Variants in SLIT2 observed in about 807,000 individuals in gnomAD.
The protein encoded by SLIT2 is slit guidance ligand 2.
A neutral mutation model predicts 185.7 loss-of-function variants in SLIT2; 41 were observed. The observed-to-expected ratio is 0.22, with a 90% CI of 0.17 to 0.29. The LOEUF is 0.29. SLIT2 is among the 10% of genes least tolerant of loss of function. The pLI is 1.00. For missense variants in SLIT2, 1,571 were observed against 1,909.0 expected (o/e 0.82, Z 3.30); for synonymous variants, 693 against 680.2 (o/e 1.02, Z -0.29).
intron 11 of SLIT2, among the ~76,000 whole-genome samples, chr4:20,514,071 T>C (rs776386829): frequency 6.6e-6 from 1 of 152,248 alleles, no homozygotes; most frequent in Non-Finnish European, 1.5e-5. Context: ...GAGATCATGA[T>C]AGTGACCAGG....
chr4:20,470,323 G>A lies in SLIT2; in HGVS notation c.467+2500G>A, dbSNP rs569055389. ...CATTTTGACATGAAGTTACAAAATGGAAAAAGAAAATATAATAGAAAGTGC... is the reference window on the plus strand; with the variant it reads ...CATTTTGACATGAAGTTACAAAATGAAAAAAGAAAATATAATAGAAAGTGC... On this transcript the variant is annotated intron_variant, in intron 5 of 36. Transcript: ENST00000504154. Among the ~76,000 whole-genome samples the A allele has an allele frequency of 7.8e-4, 119 of 152,088 alleles. 1 individual carries two copies. The highest frequency in any genetic ancestry group is 2.6e-3 in the African/African-American group (110 of 41,520).
chr4:20,323,256 T>C (rs1353124040), intron 4 of SLIT2, among the ~76,000 whole-genome samples: 1 of 152,174 alleles, frequency 6.6e-6, no homozygotes, highest in African/African-American at 2.4e-5. Flanking sequence ...GACTCTGATA[T>C]CTTGCTTTCC....
At chr4:20,516,107 G>A (rs77574266) in intron 11 of SLIT2, among the ~76,000 whole-genome samples, 4,729 of 152,260 alleles carry the variant, frequency 0.031, 150 homozygotes, top group African/African-American at 0.075. Context: ...GAGCCACTGC[G>A]CCTGGCCTCT....
At chr4:20,383,450 A>C (rs1724691717) in intron 4 of SLIT2, among the ~76,000 whole-genome samples, 1 of 152,186 alleles carries the variant, frequency 6.6e-6, no homozygotes, top group African/African-American at 2.4e-5. Flanking sequence ...GGATACAAAC[A>C]AACACCTGAA....
intron 4 of SLIT2, among the ~76,000 whole-genome samples, chr4:20,350,217 T>C (rs1307224586): frequency 2.6e-5 from 4 of 152,164 alleles, no homozygotes; most frequent in Admixed American, 2.6e-4. Flanking sequence ...AGCATACTTT[T>C]GATTCTGAAG....
chr4:20,472,599 T>G lies in SLIT2; in HGVS notation c.467+4776T>G, dbSNP rs1187497833. Among the ~76,000 whole-genome samples, 4 of 10,498 alleles carry G rather than the reference T, an allele frequency of 3.8e-4. 2 individuals carry two copies. Among genetic ancestry groups the G allele is most frequent in the African/African-American group, 1.8e-3 (2 of 1,096 alleles). The allele number at this position is 10,498 out of a possible 152,430, so 6.9% of individuals were successfully genotyped here. On this transcript the variant is annotated intron_variant, in intron 5 of 36. Transcript: ENST00000504154. ...ATATATCTATATATAGATATATATC[T>G]ATAGATATATCTATATATATCGATA... is the stretch of plus-strand genomic sequence containing the variant.
rs939382195 is a variant in SLIT2 at position 20,611,080 on chromosome 4, T to C, written c.3847+913T>C. ...TTGAGAAGCATTGGATTAAATTACA[T>C]TGAATTTATTTGAATTGACTGATTA... On this transcript the variant is annotated intron_variant, in intron 34 of 36. Transcript: ENST00000504154. 3.9e-5 allele frequency among the ~76,000 whole-genome samples: 6 copies of C among 152,198 alleles called. No individual in the cohort carries two copies. In the East Asian group the frequency reaches 9.6e-4, roughly 24 times the overall value.
chr4:20,350,840 G>C (rs1289655257), intron 4 of SLIT2, among the ~76,000 whole-genome samples: 3 of 151,872 alleles, frequency 2.0e-5, no homozygotes, highest in Non-Finnish European at 4.4e-5. Flanking sequence ...AAAAAATAAA[G>C]AGTTAAATAA....
Position 20,309,865 on chromosome 4 carries a change from T to C in SLIT2, c.395+40984T>C, listed in dbSNP as rs543688727. ...AGCTCCGCCTCCCGGGTTCATGCCATTCTCCTGCCTCAGCCTCCCGAGTAG... is the reference window on the plus strand; with the variant it reads ...AGCTCCGCCTCCCGGGTTCATGCCACTCTCCTGCCTCAGCCTCCCGAGTAG... On this transcript the variant is annotated intron_variant, in intron 4 of 36. Coordinates refer to ENST00000504154, the MANE Select transcript of SLIT2 (RefSeq NM_004787.4). Among the ~76,000 whole-genome samples the C allele has an allele frequency of 2.7e-5, 4 of 150,502 alleles. No individual in the cohort carries two copies. The East Asian group carries it at 6.1e-4, about 23-fold the overall frequency.
intron 4 of SLIT2, among the ~76,000 whole-genome samples, chr4:20,281,543 G>T (rs1288107687): frequency 6.6e-6 from 1 of 152,158 alleles, no homozygotes; most frequent in Non-Finnish European, 1.5e-5. Flanking sequence ...TCTAAGAGGA[G>T]AGCTTCTCTC....
intron 4 of SLIT2, among the ~76,000 whole-genome samples, chr4:20,309,829 G>A (rs190920124): frequency 2.3e-4 from 33 of 144,498 alleles, no homozygotes; most frequent in African/African-American, 8.2e-4. Flanking sequence ...GCGTTATCTC[G>A]GCTCACTGCA....
chr4:20,555,566 T>C (rs1231517926), intron 26 of SLIT2, among the ~76,000 whole-genome samples: 1 of 152,100 alleles, frequency 6.6e-6, no homozygotes, highest in Non-Finnish European at 1.5e-5. Context: ...TGTATTGTTA[T>C]AACATTTCAA....
intron 4 of SLIT2, among the ~76,000 whole-genome samples, chr4:20,356,120 A>G (rs1722304094): frequency 6.6e-6 from 1 of 152,182 alleles, no homozygotes; most frequent in South Asian, 2.1e-4. Flanking sequence ...TTGGGATGCC[A>G]TTCAGTAACT....
intron 5 of SLIT2, among the ~76,000 whole-genome samples, chr4:20,472,557 T>G (rs1448615648): frequency 4.1e-5 from 1 of 24,472 alleles, no homozygotes; most frequent in Non-Finnish European, 6.2e-5. Context: ...TATATATAGA[T>G]ATATATCTAT....
In SLIT2 at chr4:20,596,614, C is replaced by T; in HGVS notation, c.3520C>T (p.Pro1174Ser). Residue 1174 changes from proline to serine, a missense_variant, in exon 32 of 37, where the codon CCT (proline) becomes TCT (serine). Pro to Ser is a moderately conservative substitution (Grantham distance 74). Around this residue, in one of 3 missense-constraint regions of SLIT2, gnomAD observed 146 missense variants for 247.4 expected, o/e 0.59. Coordinates refer to ENST00000504154, the MANE Select transcript of SLIT2 (RefSeq NM_004787.4). ...FINKESYLQI[P>S]SAKVRPQTNI... ...AAACAAAGAGTCTTATCTTCAGATT[C>T]CTTCAGCCAAGGTTCGGCCTCAGAC... The T allele has an allele frequency of 1.2e-6, 2 of 1,613,752 alleles. No homozygotes were observed. Among genetic ancestry groups the T allele is most frequent in the Non-Finnish European group, 1.7e-6 (2 of 1,179,870 alleles).
At position 20,507,728 on chromosome 4, in the gene SLIT2, A is replaced by AAAAGTAGT. The variant is rs1452083290; in HGVS notation, c.915-2765_915-2758dup. ...TCAAGAACCTGAAATAATATCTATGAAAAGTAGTATATGAACTAGCTTTGC... is the reference window on the plus strand; with the variant it reads ...TCAAGAACCTGAAATAATATCTATGAAAAGTAGTAAAGTAGTATATGAACTAGCTTTGC... On this transcript the variant is annotated intron_variant, in intron 9 of 36. Transcript: ENST00000504154. 7.9e-5 allele frequency among the ~76,000 whole-genome samples: 12 copies of AAAAGTAGT among 151,926 alleles called. No homozygotes were observed. In the South Asian group the frequency reaches 2.5e-3, roughly 32 times the overall value.
intron 4 of SLIT2, among the ~76,000 whole-genome samples, chr4:20,286,650 A>C (rs1715294642): frequency 6.6e-6 from 1 of 152,060 alleles, no homozygotes; most frequent in Non-Finnish European, 1.5e-5. Context: ...AAAATACAAA[A>C]AATTAGATGG....
Position 20,620,358 on chromosome 4 carries a change from A to G in SLIT2, c.*1349A>G. 1 of 443,150 alleles carries G rather than the reference A, an allele frequency of 2.3e-6. No individual in the cohort carries two copies. Among genetic ancestry groups the G allele is most frequent in the Non-Finnish European group, 4.5e-6 (1 of 223,614 alleles). The allele number at this position is 443,150 out of a possible 1,614,324, so 27.5% of individuals were successfully genotyped here. ...GCTGCTAAATTACAATGTAGAATTG[A>G]TAATGGTTTATAGTGAACTGTGCTC... On this transcript the variant is annotated 3_prime_UTR_variant, in exon 37 of 37. Transcript: ENST00000504154.
At chr4:20,497,485 G>A (rs1428058191) in intron 9 of SLIT2, among the ~76,000 whole-genome samples, 1 of 152,086 alleles carries the variant, frequency 6.6e-6, no homozygotes, top group African/African-American at 2.4e-5. Context: ...CGACAAAAAG[G>A]ACAAGAGAAA....
Sources: allele counts gnomAD v4.1 joint callset (sites outside exome capture counted in the v4.1 genomes callset), GRCh38; gene constraint gnomAD v4.1.1; regional missense constraint gnomAD v4.1.1; transcripts MANE v1.5; gene names NCBI Gene and HGNC (gene_info 2026-07-23, HGNC 2026-07-21).